FAM217B: variants seen among roughly 807,000 people sequenced by gnomAD.
The protein encoded by FAM217B is family with sequence similarity 217 member B.
For missense variants in FAM217B, 463 were observed against 456.9 expected (o/e 1.01, Z -0.12); for synonymous variants, 163 against 173.0 (o/e 0.94, Z 0.45).
upstream of FAM217B, chr20:59,939,590 T>C: frequency 6.2e-7 from 1 of 1,603,850 alleles, no homozygotes; most frequent in African/African-American, 1.3e-5. Context: ...CCTTGACCTG[T>C]GCCAGCTCCA....
Position 59,944,938 on chromosome 20 carries a change from T to A in FAM217B, c.995T>A (p.Ile332Asn). 3 of 1,614,196 alleles carry A rather than the reference T, an allele frequency of 1.9e-6. No individual in the cohort carries two copies. Among genetic ancestry groups the A allele is most frequent in the Non-Finnish European group, 2.5e-6 (3 of 1,180,034 alleles). ...CGAGTTCCCAAACAGGCAGCTGTGA[T>A]TCTGGACTCAGCAGATTCCTGTAAG... is the stretch of plus-strand genomic sequence containing the variant. The part of the protein sequence containing the change: ...HIRVPKQAAV[I>N]LDSADSCKAS... Residue 332 changes from isoleucine to asparagine, a missense_variant, in exon 4 of 4, where the codon ATT (isoleucine) becomes AAT (asparagine). Transcript: ENST00000360816.
At chr20:59,934,729 TTTTAA>T (rs751582691) in intron 1 of FAM217B, among the ~76,000 whole-genome samples, 4 of 152,202 alleles carry the variant, frequency 2.6e-5, no homozygotes, top group Admixed American at 6.5e-5. Flanking sequence ...TTTAATAACA[TTTTAA>T]TTTCTTATCT....
Position 59,944,948 on chromosome 20 carries a change from A to G in FAM217B, c.1005A>G (p.Ser335=), listed in dbSNP as rs752567741. ...VPKQAAVILD[S]ADSCKASKTQ... ...AACAGGCAGCTGTGATTCTGGACTC[A>G]GCAGATTCCTGTAAGGCCTCCAAAA... Residue 335 remains serine (S), a synonymous_variant, in exon 4 of 4, where the codon TCA becomes TCG. Coordinates refer to ENST00000360816, the MANE Select transcript of FAM217B (RefSeq NM_022106.3). 27 of 1,614,126 alleles carry G rather than the reference A, an allele frequency of 1.7e-5. No individual in the cohort carries two copies. The highest frequency in any genetic ancestry group is 2.2e-5 in the Non-Finnish European group (26 of 1,180,056).
intron 1 of FAM217B, among the ~76,000 whole-genome samples, chr20:59,941,537 A>G (rs1247775845): frequency 6.6e-6 from 1 of 152,208 alleles, no homozygotes; most frequent in Non-Finnish European, 1.5e-5. Context: ...ATTTCCATTC[A>G]GTGCACTTTT....
rs375600719 is a variant in FAM217B at position 59,943,955 on chromosome 20, C to A, written c.12C>A (p.Gly4=). ...TTTCTCACAGCAATATGAATGCTGG[C>A]CCATCTTGGAATAAAGTGCAACATT... MNA[G]PSWNKVQHSK... The change falls in exon 4 of 4, where the codon GGC becomes GGA. Residue 4 remains glycine, a synonymous_variant. Coordinates refer to ENST00000360816, the MANE Select transcript of FAM217B (RefSeq NM_022106.3). The A allele has an allele frequency of 1.9e-6, 3 of 1,598,834 alleles. No homozygotes were observed. Among genetic ancestry groups the A allele is most frequent in the Non-Finnish European group, 2.6e-6 (3 of 1,173,696 alleles).
At chr20:59,935,552 G>A (rs78438082), upstream of FAM217B, among the ~76,000 whole-genome samples, 2 of 152,290 alleles carry the variant, frequency 1.3e-5, no homozygotes, top group East Asian at 3.9e-4. Flanking sequence ...GGGATTGCTT[G>A]AGGCCAGGAA....
chr20:59,938,922 G>T, upstream of FAM217B: 1 of 1,102,912 alleles, frequency 9.1e-7, no homozygotes, highest in Non-Finnish European at 1.2e-6. Flanking sequence ...TTAGGTCAGA[G>T]GACTTGGAGG....
In FAM217B at chr20:59,946,143, A is replaced by G. The variant is rs2060935764; in HGVS notation, c.*1048A>G. 1 of 167,056 alleles carries G rather than the reference A, an allele frequency of 6.0e-6. No homozygotes were observed. The allele number at this position is 167,056 out of a possible 1,614,324, so 10.3% of individuals were successfully genotyped here. On this transcript the variant is annotated 3_prime_UTR_variant, in exon 4 of 4. Coordinates refer to ENST00000360816, the MANE Select transcript of FAM217B (RefSeq NM_022106.3). ...GGGGTGAGGGGCGGGAGAGTGGAAT[A>G]TGAGTAAGGTTGCTGAATGAATTCT...
chr20:59,944,423 G>C lies in FAM217B; in HGVS notation c.480G>C (p.Leu160=), dbSNP rs534682152. Residue 160 remains leucine, a synonymous_variant, in exon 4 of 4, where the codon CTG becomes CTC. Transcript: ENST00000360816. ...CCTGGGACCTACGAGATATGGCCCT[G>C]CTTCTGAACGCAGAGAACAAAACGG... ...FSSWDLRDMA[L]LLNAENKTEA... is the part of the protein sequence containing the mutation. 9 of 1,614,030 alleles carry C rather than the reference G, an allele frequency of 5.6e-6. No individual in the cohort carries two copies. In the East Asian group the frequency reaches 2.0e-4, roughly 36 times the overall value.
chr20:59,937,720 C>G (rs931022382), upstream of FAM217B: 6 of 151,516 alleles, frequency 4.0e-5, no homozygotes, highest in Admixed American at 6.6e-5. Flanking sequence ...GACCACTGTT[C>G]AGCACCAAAA....
At chr20:59,943,703 CTG>C (rs551620319) in intron 3 of FAM217B, among the ~76,000 whole-genome samples, 278 of 152,082 alleles carry the variant, frequency 1.8e-3, no homozygotes, top group African/African-American at 5.2e-3. Flanking sequence ...AAAATGGAAA[CTG>C]TGCATTCTCT....
At chr20:59,934,231 C>T (rs1322748300) in intron 1 of FAM217B, among the ~76,000 whole-genome samples, 2 of 152,218 alleles carry the variant, frequency 1.3e-5, no homozygotes, top group Non-Finnish European at 2.9e-5. Flanking sequence ...GGAGAGACCG[C>T]AGGTCCGGAG....
At chr20:59,939,607 G>C (rs1315207066), upstream of FAM217B, 3 of 1,592,966 alleles carry the variant, frequency 1.9e-6, no homozygotes, top group Non-Finnish European at 2.6e-6. Flanking sequence ...TCCAAGCCCA[G>C]GGCGTCGGCG....
upstream of FAM217B, chr20:59,939,083 C>CG (rs1449347966): frequency 6.3e-7 from 1 of 1,587,764 alleles, no homozygotes; most frequent in Non-Finnish European, 8.5e-7. Flanking sequence ...GCATGTGCAG[C>CG]GCGTGGTTGC....
intron 3 of FAM217B, 91 bp from the exon 4 acceptor site, chr20:59,943,849 G>A (rs2060918977): frequency 3.6e-6 from 4 of 1,115,242 alleles, no homozygotes; most frequent in Non-Finnish European, 3.8e-6. Context: ...ACAAAAAAAA[G>A]TACAACTAGA....
upstream of FAM217B, chr20:59,937,971 T>C (rs1416673782): frequency 6.6e-6 from 1 of 152,358 alleles, no homozygotes; most frequent in East Asian, 1.9e-4. Flanking sequence ...TAAATATTTG[T>C]CAATTATTTT....
chr20:59,939,290 G>C, upstream of FAM217B: 1 of 1,612,360 alleles, frequency 6.2e-7, no homozygotes, highest in Non-Finnish European at 8.5e-7. Context: ...CGTGGGTACT[G>C]CGCCAGCCCG....
intron 3 of FAM217B, among the ~76,000 whole-genome samples, chr20:59,942,740 G>C (rs1487153447): frequency 2.0e-5 from 3 of 152,080 alleles, no homozygotes; most frequent in South Asian, 2.1e-4. Context: ...TTTTGAGTAA[G>C]TCCTTTAATC....
intron 1 of FAM217B, among the ~76,000 whole-genome samples, chr20:59,934,943 C>T (rs2060849174): frequency 6.6e-6 from 1 of 152,198 alleles, no homozygotes; most frequent in Non-Finnish European, 1.5e-5. Flanking sequence ...AACTTTGTAA[C>T]TACCCCCATT....
Sources: gnomAD v4.1 joint callset for allele counts (sites outside exome capture counted in the v4.1 genomes callset) on GRCh38, gnomAD v4.1.1 for gene constraint, MANE v1.5 for transcripts, NCBI Gene and HGNC (gene_info 2026-07-23, HGNC 2026-07-21) for gene names.